Variants in NKAIN2 observed in about 807,000 individuals in gnomAD.
NKAIN2 encodes the protein sodium/potassium-transporting ATPase subunit beta-1-interacting protein 2.
A neutral mutation model predicts 32.6 loss-of-function variants in NKAIN2; 14 were observed. That is an observed-to-expected ratio of 0.43 (90% CI 0.28 to 0.67). The LOEUF (loss-of-function observed/expected upper bound fraction) is 0.67, where lower values mean the gene tolerates loss of function less well. NKAIN2 is among the 30% of genes least tolerant of loss of function. The pLI is 0.17. For missense variants in NKAIN2, 198 were observed against 258.3 expected (o/e 0.77, Z 1.60); for synonymous variants, 80 against 87.2 (o/e 0.92, Z 0.46).
intron 1 of NKAIN2, among the ~76,000 whole-genome samples, chr6:124,133,528 G>A (rs538077067): frequency 2.0e-5 from 3 of 152,248 alleles, no homozygotes; most frequent in Non-Finnish European, 4.4e-5. Flanking sequence ...GCCACAACTA[G>A]TGCCTACCCA....
chr6:124,711,371 G>C (rs1226781465), intron 4 of NKAIN2, among the ~76,000 whole-genome samples: 1 of 111,940 alleles, frequency 8.9e-6, no homozygotes, highest in African/African-American at 3.6e-5. Context: ...GGCCTGCCTT[G>C]CTAGATTGGG....
chr6:124,022,115 A>G (rs1780895155), intron 1 of NKAIN2, among the ~76,000 whole-genome samples: 1 of 148,172 alleles, frequency 6.7e-6, no homozygotes, highest in South Asian at 2.1e-4. Context: ...TCATTGTTCA[A>G]TTCCCACCTA....
intron 1 of NKAIN2, among the ~76,000 whole-genome samples, chr6:124,223,507 G>C (rs1175779425): frequency 2.0e-5 from 3 of 152,040 alleles, no homozygotes; most frequent in Non-Finnish European, 4.4e-5. Context: ...TTTTGTTCTA[G>C]TATTTATACA....
chr6:124,109,829 A>G (rs546378357), intron 1 of NKAIN2, among the ~76,000 whole-genome samples: 5 of 152,106 alleles, frequency 3.3e-5, no homozygotes, highest in African/African-American at 4.8e-5. Flanking sequence ...AATTTTGCCA[A>G]ATTCTTTTTG....
chr6:124,110,477 G>C (rs1481836103), intron 1 of NKAIN2, among the ~76,000 whole-genome samples: 1 of 151,950 alleles, frequency 6.6e-6, no homozygotes, highest in Non-Finnish European at 1.5e-5. Flanking sequence ...ATGATGCTGA[G>C]GTTTGAGGTA....
chr6:124,136,000 A>G (rs1786763100), intron 1 of NKAIN2, among the ~76,000 whole-genome samples: 1 of 152,132 alleles, frequency 6.6e-6, no homozygotes, highest in Non-Finnish European at 1.5e-5. Flanking sequence ...ACCAAAGCCA[A>G]ACCCAGCAGA....
intron 1 of NKAIN2, among the ~76,000 whole-genome samples, chr6:124,160,952 T>C (rs1465442514): frequency 6.6e-6 from 1 of 152,170 alleles, no homozygotes; most frequent in African/African-American, 2.4e-5. Flanking sequence ...CCTTCTTAGA[T>C]ATAAAATTTC....
chr6:124,406,865 T>A (rs531861622), intron 3 of NKAIN2, among the ~76,000 whole-genome samples: 359 of 152,228 alleles, frequency 2.4e-3, no homozygotes, highest in African/African-American at 8.3e-3. Flanking sequence ...TTTCCATCTA[T>A]ATATCTATAT....
chr6:123,983,971 A>G (rs1779019085), intron 1 of NKAIN2, among the ~76,000 whole-genome samples: 1 of 152,236 alleles, frequency 6.6e-6, no homozygotes, highest in Middle Eastern at 3.4e-3. Context: ...ACAATGGCAC[A>G]ATCTCGGCTC....
intron 1 of NKAIN2, among the ~76,000 whole-genome samples, chr6:124,250,396 G>T (rs960865163): frequency 2.6e-5 from 4 of 151,714 alleles, no homozygotes; most frequent in African/African-American, 9.7e-5. Flanking sequence ...TTACAACTAG[G>T]CATACCATAA....
At chr6:124,654,639 A>G (rs1395525035) in intron 3 of NKAIN2, among the ~76,000 whole-genome samples, 1 of 152,206 alleles carries the variant, frequency 6.6e-6, no homozygotes, top group Non-Finnish European at 1.5e-5. Context: ...GGATCATTTC[A>G]GATGTGACTA....
rs555181173 is a variant in NKAIN2, at chr6:124,020,184, G to A, written c.54+215930G>A. Among the ~76,000 whole-genome samples, 53 of 152,160 alleles carry A rather than the reference G, an allele frequency of 3.5e-4. No individual in the cohort carries two copies. In the South Asian group the frequency reaches 7.7e-3, roughly 22 times the overall value. Reference sequence around the variant, plus strand: ...GTACATCTGTACCTGTGCCATCTATGCTTGTTCTTTGTATTTCCAAAAGCC... The same window carrying A: ...GTACATCTGTACCTGTGCCATCTATACTTGTTCTTTGTATTTCCAAAAGCC... On this transcript the variant is annotated intron_variant, in intron 1 of 6. Coordinates refer to ENST00000368417, the MANE Select transcript of NKAIN2 (RefSeq NM_001040214.3).
At chr6:124,241,633 G>A (rs1793101380) in intron 1 of NKAIN2, among the ~76,000 whole-genome samples, 1 of 152,164 alleles carries the variant, frequency 6.6e-6, no homozygotes, top group East Asian at 1.9e-4. Context: ...ACAAAAACAA[G>A]CAACGGGAAA....
intron 1 of NKAIN2, among the ~76,000 whole-genome samples, chr6:124,244,242 C>CCT (rs1478294776): frequency 5.7e-5 from 6 of 105,678 alleles, no homozygotes; most frequent in African/African-American, 2.2e-4. Flanking sequence ...CCTCCCCCCT[C>CCT]CCCCCACCCC....
chr6:124,312,029 G>T (rs188581510), intron 2 of NKAIN2, among the ~76,000 whole-genome samples: 2 of 152,058 alleles, frequency 1.3e-5, no homozygotes, highest in African/African-American at 4.8e-5. Flanking sequence ...TGGGGAGAGA[G>T]AAAGAGGTAT....
chr6:124,521,948 T>G (rs2114798339), intron 3 of NKAIN2, among the ~76,000 whole-genome samples: 1 of 152,312 alleles, frequency 6.6e-6, no homozygotes, highest in Admixed American at 6.5e-5. Context: ...ATGATCCATC[T>G]TATGCTTAGT....
At chr6:124,804,294 G>A (rs190671110) in intron 5 of NKAIN2, among the ~76,000 whole-genome samples, 1 of 152,164 alleles carries the variant, frequency 6.6e-6, no homozygotes, top group Non-Finnish European at 1.5e-5. Context: ...CTGAGAATTA[G>A]CAGATATGAA....
At chr6:124,749,067 A>G (rs1777589854) in intron 4 of NKAIN2, among the ~76,000 whole-genome samples, 1 of 151,844 alleles carries the variant, frequency 6.6e-6, no homozygotes, top group Middle Eastern at 3.2e-3. Context: ...ATTAATATTC[A>G]GGTCATTGAA....
intron 1 of NKAIN2, among the ~76,000 whole-genome samples, chr6:124,083,996 C>T (rs912957425): frequency 3.3e-5 from 5 of 151,786 alleles, no homozygotes; most frequent in African/African-American, 1.2e-4. Flanking sequence ...AAACAGGTAC[C>T]AATAAAGCTA....
Sources: allele counts gnomAD v4.1 joint callset (sites outside exome capture counted in the v4.1 genomes callset), GRCh38; gene constraint gnomAD v4.1.1; transcripts MANE v1.5; gene names NCBI Gene and HGNC (gene_info 2026-07-23, HGNC 2026-07-21).